TENM3: variants seen among roughly 807,000 people sequenced by gnomAD.
The protein encoded by TENM3 is teneurin-3.
Under a neutral mutation model 255.1 loss-of-function variants are expected in TENM3, and 63 were observed. The ratio of observed to expected loss-of-function variants is 0.25; its 90% CI spans 0.20 to 0.30. The LOEUF (loss-of-function observed/expected upper bound fraction) is 0.30, where lower values mean the gene tolerates loss of function less well. TENM3 is among the 10% of genes least tolerant of loss of function. The pLI is 1.00. For missense variants in TENM3, 2,929 were observed against 3,461.1 expected, an observed-to-expected ratio of 0.85 and a Z score of 3.86; for synonymous variants, 1,306 against 1,322.3, an observed-to-expected ratio of 0.99 and a Z score of 0.27.
At chr4:182,247,219 T>C (rs966694606) in intron 1 of TENM3, among the ~76,000 whole-genome samples, 1 of 152,062 alleles carries the variant, frequency 6.6e-6, no homozygotes, top group African/African-American at 2.4e-5. Context: ...CAGCAAGAAA[T>C]TGACATATAG....
chr4:182,716,961 A>T (rs1479973447), intron 13 of TENM3, among the ~76,000 whole-genome samples: 1 of 152,198 alleles, frequency 6.6e-6, no homozygotes, highest in Non-Finnish European at 1.5e-5. Context: ...TCAGCAATTG[A>T]ACACTCCCAA....
At chr4:181,777,553 T>C in the TENM3 span, among the ~76,000 whole-genome samples, 3 of 152,130 alleles carry the variant, frequency 2.0e-5, no homozygotes, top group Non-Finnish European at 4.4e-5. Flanking sequence ...GGGATGACTT[T>C]CCATTTGTTC....
the TENM3 span, among the ~76,000 whole-genome samples, chr4:181,897,873 A>G: frequency 1.3e-5 from 2 of 152,028 alleles, no homozygotes; most frequent in Admixed American, 1.3e-4. Flanking sequence ...TCTTATTTTA[A>G]ACTTATATGG....
In TENM3 at chr4:182,775,076, G is replaced by C; in HGVS notation, c.5227G>C (p.Gly1743Arg). Residue 1743 changes from glycine to arginine, a missense_variant, in exon 24 of 28, where the codon GGT (glycine) becomes CGT (arginine). By Grantham distance (125) the Gly-to-Arg change is moderately radical (BLOSUM62 -2). This residue lies in a region of TENM3 where 303 missense variants were observed against 425.2 expected (regional missense o/e 0.71). Transcript: ENST00000511685. The part of the protein sequence containing the change: ...KRNMTLPGEN[G>R]QNLVEWRFRK... ...AAACATGACTTTGCCTGGCGAGAAC[G>C]GTCAAAACTTGGTGGAATGGAGATT... 1 of 1,613,982 alleles carries C rather than the reference G, an allele frequency of 6.2e-7. No homozygotes were observed. The highest frequency in any genetic ancestry group is 2.2e-5 in the East Asian group (1 of 44,866).
At chr4:181,949,910 G>A in the TENM3 span, among the ~76,000 whole-genome samples, 1 of 152,024 alleles carries the variant, frequency 6.6e-6, no homozygotes, top group East Asian at 1.9e-4. Context: ...CTTCCTCCAG[G>A]CCTCTGCACA....
At chr4:181,552,255 ACT>A in the TENM3 span, among the ~76,000 whole-genome samples, 1 of 152,194 alleles carries the variant, frequency 6.6e-6, no homozygotes, top group Non-Finnish European at 1.5e-5. Context: ...CAAACTGGTA[ACT>A]CTTCATTCTT....
chr4:181,821,379 A>T, the TENM3 span, among the ~76,000 whole-genome samples: 1 of 152,180 alleles, frequency 6.6e-6, no homozygotes, highest in Non-Finnish European at 1.5e-5. Context: ...CACAGTTCTC[A>T]TCTTATATCC....
chr4:182,576,219 C>T (rs1407862897), intron 3 of TENM3, among the ~76,000 whole-genome samples: 1 of 152,132 alleles, frequency 6.6e-6, no homozygotes, highest in Admixed American at 6.6e-5. Flanking sequence ...TAGTATGTTT[C>T]TTTTTCCTTC....
At chr4:181,806,832 T>C in the TENM3 span, among the ~76,000 whole-genome samples, 5 of 152,228 alleles carry the variant, frequency 3.3e-5, no homozygotes, top group Non-Finnish European at 7.3e-5. Flanking sequence ...GGCCTTTGCT[T>C]CCATGGGCTC....
At chr4:182,087,528 T>A in the TENM3 span, among the ~76,000 whole-genome samples, 1 of 152,124 alleles carries the variant, frequency 6.6e-6, no homozygotes, top group East Asian at 1.9e-4. Context: ...TAGGCTGTGT[T>A]TTGCCAACTT....
Position 182,628,844 on chromosome 4 carries a change from G to A in TENM3, c.943G>A (p.Val315Ile), listed in dbSNP as rs770874892. Residue 315 changes from valine to isoleucine, a missense_variant, in exon 5 of 28, where the codon GTA (valine) becomes ATA (isoleucine). Physicochemically the swap from Val to Ile is conservative, Grantham distance 29 (BLOSUM62 3). Coordinates refer to ENST00000511685, the MANE Select transcript of TENM3 (RefSeq NM_001080477.4). The part of the protein sequence containing the change: ...CSWKCTALCA[V>I]GVSVLLAILL... ...CTGGAAATGCACTGCACTGTGTGCC[G>A]TAGGGGTCTCGGTGCTCCTGGCAAT... is the stretch of plus-strand genomic sequence containing the variant. 1.1e-5 allele frequency: 18 copies of A among 1,609,452 alleles called. No individual in the cohort carries two copies. Among genetic ancestry groups the A allele is most frequent in the South Asian group, 5.6e-5 (5 of 90,032 alleles).
At chr4:182,516,321 TA>T (rs1040476709) in intron 3 of TENM3, among the ~76,000 whole-genome samples, 21 of 152,344 alleles carry the variant, frequency 1.4e-4, no homozygotes, top group African/African-American at 4.8e-4. Context: ...CGAAATCCTT[TA>T]AAAAGTTAAC....
At chr4:181,470,556 T>C in the TENM3 span, among the ~76,000 whole-genome samples, 12 of 152,186 alleles carry the variant, frequency 7.9e-5, no homozygotes, top group African/African-American at 2.9e-4. Context: ...CAACCTTATA[T>C]GAGCCCGTGC....
At chr4:181,897,208 A>G in the TENM3 span, among the ~76,000 whole-genome samples, 4 of 152,174 alleles carry the variant, frequency 2.6e-5, no homozygotes, top group Non-Finnish European at 5.9e-5. Context: ...ATTATTCAGC[A>G]CATAAATTCA....
intron 1 of TENM3, among the ~76,000 whole-genome samples, chr4:182,321,487 G>A (rs546772523): frequency 3.0e-4 from 45 of 152,150 alleles, no homozygotes; most frequent in Non-Finnish European, 5.7e-4. Context: ...TTAGCTGAGC[G>A]TGGTGGTGGG....
chr4:182,437,579 C>G (rs55677245), intron 3 of TENM3, among the ~76,000 whole-genome samples: 1 of 151,914 alleles, frequency 6.6e-6, no homozygotes, highest in Non-Finnish European at 1.5e-5. Context: ...GCAGATCACT[C>G]GAGGTCAAGA....
chr4:182,595,003 A>G (rs973947886), intron 3 of TENM3, among the ~76,000 whole-genome samples: 1 of 152,184 alleles, frequency 6.6e-6, no homozygotes, highest in Non-Finnish European at 1.5e-5. Context: ...GGTGTAAGCC[A>G]GTGCACCCAG....
chr4:182,129,684 T>G, the TENM3 span, among the ~76,000 whole-genome samples: 1 of 152,200 alleles, frequency 6.6e-6, no homozygotes, highest in Non-Finnish European at 1.5e-5. Context: ...AATTGATATA[T>G]AAGTAATCAA....
chr4:181,583,727 T>C, the TENM3 span, among the ~76,000 whole-genome samples: 865 of 152,352 alleles, frequency 5.7e-3, 11 homozygotes, highest in African/African-American at 0.02. Flanking sequence ...TTCAGAAGTT[T>C]GGTCATACTA....
Sources: gnomAD v4.1 joint callset for allele counts (sites outside exome capture counted in the v4.1 genomes callset) on GRCh38, gnomAD v4.1.1 for gene constraint, gnomAD v4.1.1 regional missense constraint, MANE v1.5 for transcripts, NCBI Gene and HGNC (gene_info 2026-07-23, HGNC 2026-07-21) for gene names.